Variants in ABCB7 observed in about 807,000 individuals in gnomAD.
The protein encoded by ABCB7 is ATP binding cassette subfamily B member 7, also known as iron-sulfur clusters transporter ABCB7, mitochondrial.
ABCB7 carries 7 observed loss-of-function variants against 54.4 expected under a neutral mutation model. The observed-to-expected ratio is 0.13, with a 90% confidence interval of 0.07 to 0.24. The LOEUF (loss-of-function observed/expected upper bound fraction) is 0.24, where lower values mean the gene tolerates loss of function less well. Ranked by LOEUF, ABCB7 falls within the 10% of genes least tolerant of loss-of-function variation. The probability of loss-of-function intolerance (pLI) is 1.00; values close to 1 mark genes in which losing one functional copy is unlikely to be tolerated. For missense variants in ABCB7, 356 were observed against 570.4 expected (o/e 0.62, Z 3.83); for synonymous variants, 218 against 207.1 (o/e 1.05, Z -0.45).
intron 3 of ABCB7, among the ~76,000 whole-genome samples, chrX:75,104,047 G>GTTTTTTTGTTTTTTTTTT (rs2081663659): frequency 1.5e-3 from 20 of 13,448 alleles, no homozygotes; most frequent in East Asian, 7.2e-3. Flanking sequence ...TCTTGTTACA[G>GTTTTTTTGTTTTTTTTTT]TTTTTTTTTT....
At chrX:75,108,279 C>G (rs746015479) in intron 3 of ABCB7, among the ~76,000 whole-genome samples, 1 of 111,413 alleles carries the variant, frequency 9.0e-6, no homozygotes, top group East Asian at 2.9e-4. Context: ...AACTCGCCAC[C>G]CAGAGAGGAG....
At chrX:75,060,930 G>GC (rs2081277893) in intron 14 of ABCB7, among the ~76,000 whole-genome samples, 1 of 111,774 alleles carries the variant, frequency 8.9e-6, no homozygotes, top group South Asian at 3.7e-4. Flanking sequence ...TATAAGAGTT[G>GC]TACATATATT....
intron 2 of ABCB7, among the ~76,000 whole-genome samples, 159 bp downstream of exon 2, chrX:75,114,595 C>G (rs1396739785): frequency 8.9e-6 from 1 of 112,375 alleles, no homozygotes; most frequent in African/African-American, 3.2e-5. Context: ...AGACTTCTCT[C>G]TGCATTTCCA....
Position 75,087,264 on chromosome X carries a change from A to C in ABCB7, c.454-10610T>G, listed in dbSNP as rs759716390. On this transcript the variant is annotated intron_variant, in intron 4 of 15. Coordinates refer to ENST00000373394, the MANE Select transcript of ABCB7 (RefSeq NM_001271696.3). Reference sequence around the variant, plus strand: ...CAAGAACCCTCCCAGGCTGAGCCCCAATTTTGGGGTTTGCCTGCATTAAGG... The same window carrying C: ...CAAGAACCCTCCCAGGCTGAGCCCCCATTTTGGGGTTTGCCTGCATTAAGG... Among the ~76,000 whole-genome samples, 5 of 111,635 alleles carry C rather than the reference A, an allele frequency of 4.5e-5. No individual in the cohort carries two copies. In the East Asian group the frequency reaches 1.1e-3, roughly 25 times the overall value.
At chrX:75,128,476 G>T (rs1021832198) in intron 1 of ABCB7, among the ~76,000 whole-genome samples, 1 of 111,751 alleles carries the variant, frequency 8.9e-6, no homozygotes, top group African/African-American at 3.3e-5. Context: ...TTAAACATAA[G>T]ACCTAAAACC....
chrX:75,115,052 G>A (rs774491923), intron 1 of ABCB7, among the ~76,000 whole-genome samples: 11 of 109,721 alleles, frequency 1.0e-4, no homozygotes, highest in African/African-American at 3.0e-4. Flanking sequence ...GGCGGATCAC[G>A]AGGTCTGGAG....
chrX:75,134,856 T>A (rs1255604438), intron 1 of ABCB7, among the ~76,000 whole-genome samples: 2 of 111,422 alleles, frequency 1.8e-5, no homozygotes, highest in African/African-American at 6.5e-5. Flanking sequence ...GAGTGCTAAA[T>A]GCCCACATCA....
At chrX:75,152,528 C>T (rs760440612) in intron 1 of ABCB7, among the ~76,000 whole-genome samples, 24 of 112,406 alleles carry the variant, frequency 2.1e-4, no homozygotes, top group Middle Eastern at 4.6e-3. Context: ...GACTATTAGT[C>T]TAAGAAATTA....
intron 4 of ABCB7, among the ~76,000 whole-genome samples, chrX:75,095,572 A>G (rs904070610): frequency 3.5e-5 from 4 of 112,887 alleles, no homozygotes; most frequent in African/African-American, 1.3e-4. Context: ...TATGTTCTAC[A>G]TGCTTAAAGT....
At position 75,156,259 on chromosome X, in the gene ABCB7, G is replaced by T. The variant is rs776166609; in HGVS notation, c.14C>A (p.Ala5Glu). 5 of 1,204,592 alleles carry T rather than the reference G, an allele frequency of 4.2e-6. No individual in the cohort carries two copies. Among genetic ancestry groups the T allele is most frequent in the Non-Finnish European group, 4.5e-6 (4 of 892,249 alleles). ...GGCCGCCCAGCGCCAAGAATGCATC[G>T]CGAGCAGCGCCATCTTGAGCGAGGA... MALLAMHSWRWAAAA... is the reference protein window; with the variant it reads MALLEMHSWRWAAAA... The change falls in exon 1 of 16, where the codon GCG (alanine) becomes GAG (glutamate). Residue 5 changes from alanine to glutamate, a missense_variant. Around this residue, in one of 2 missense-constraint regions of ABCB7, gnomAD observed 115 missense variants for 99.5 expected, o/e 1.16. Coordinates refer to ENST00000373394, the MANE Select transcript of ABCB7 (RefSeq NM_001271696.3).
At chrX:75,062,247 A>T in intron 14 of ABCB7, 81 bp downstream of exon 14, 1 of 882,825 alleles carries the variant, frequency 1.1e-6, no homozygotes, top group Admixed American at 2.5e-5. Flanking sequence ...TTCAAAATAC[A>T]AAGTAATGCA....
chrX:75,066,850 T>C (rs1278323576), intron 12 of ABCB7, among the ~76,000 whole-genome samples: 2 of 111,531 alleles, frequency 1.8e-5, no homozygotes, highest in Admixed American at 1.9e-4. Flanking sequence ...ATATTTTTCA[T>C]GACAATATTC....
At position 75,129,561 on chromosome X, in the gene ABCB7, G is replaced by A. The variant is rs188426727; in HGVS notation, c.169-14730C>T. On this transcript the variant is annotated intron_variant, in intron 1 of 15. Transcript: ENST00000373394. ...GTATACCTATGTAACAAACCTGCAC[G>A]TTCTGCACGTGTATCCCAGAACTTA... Among the ~76,000 whole-genome samples the A allele has an allele frequency of 5.6e-5, 6 of 107,632 alleles. No individual in the cohort carries two copies. In the Admixed American group the frequency reaches 6.1e-4, roughly 11 times the overall value. 93.5% of individuals were successfully genotyped at this position (107,632 alleles called of 115,157 possible). A position where few individuals can be genotyped will look rare whatever the true frequency, so the allele number is the denominator to read the frequency against.
rs770382975 is a variant in ABCB7 at position 75,069,473 on chromosome X, A to G, written c.1366-19T>C. On this transcript the variant is annotated intron_variant, in intron 10 of 15. Transcript: ENST00000373394. Reference sequence around the variant, plus strand: ...CTTTGTCCTAGCAGGGAAGAGAAAAAAAAAGCCACTTTACGCACTGCCTAG... The same window carrying G: ...CTTTGTCCTAGCAGGGAAGAGAAAAGAAAAGCCACTTTACGCACTGCCTAG... The G allele has an allele frequency of 8.3e-7, 1 of 1,206,776 alleles. No individual in the cohort carries two copies. The highest frequency in any genetic ancestry group is 1.1e-6 in the Non-Finnish European group (1 of 891,168).
intron 4 of ABCB7, among the ~76,000 whole-genome samples, chrX:75,095,139 G>GTTT (rs1022571425): frequency 1.5e-4 from 17 of 111,151 alleles, no homozygotes; most frequent in Non-Finnish European, 2.8e-4. Flanking sequence ...TCTTCCTCCT[G>GTTT]TTTTCTTCTT....
intron 1 of ABCB7, among the ~76,000 whole-genome samples, chrX:75,138,898 C>T: frequency 9.3e-6 from 1 of 107,841 alleles, no homozygotes; most frequent in Admixed American, 1.0e-4. Context: ...GTCCCAGCTA[C>T]TCGGGAGGCT....
intron 1 of ABCB7, among the ~76,000 whole-genome samples, chrX:75,153,750 G>A (rs370824730): frequency 4.9e-3 from 47 of 9,505 alleles, no homozygotes; most frequent in African/African-American, 5.0e-3. Context: ...GTGTGTGCGT[G>A]TGTGTGTGTG....
At chrX:75,111,291 T>C (rs2081758564) in intron 3 of ABCB7, among the ~76,000 whole-genome samples, 2 of 112,094 alleles carry the variant, frequency 1.8e-5, no homozygotes, top group African/African-American at 6.5e-5. Flanking sequence ...AGGTATTCAA[T>C]ATATACTTTT....
chrX:75,109,803 T>A (rs751715626), intron 3 of ABCB7, among the ~76,000 whole-genome samples: 1 of 111,675 alleles, frequency 9.0e-6, no homozygotes, highest in Admixed American at 9.5e-5. Flanking sequence ...AAGCAAACTA[T>A]CCAGAGAAAA....
Sources: allele counts gnomAD v4.1 joint callset (sites outside exome capture counted in the v4.1 genomes callset), GRCh38; gene constraint gnomAD v4.1.1; regional missense constraint gnomAD v4.1.1; transcripts MANE v1.5; gene names NCBI Gene and HGNC (gene_info 2026-07-23, HGNC 2026-07-21).